FITM2: variants seen among roughly 807,000 people sequenced by gnomAD.
The protein encoded by FITM2 is fat storage inducing transmembrane protein 2.
A neutral mutation model predicts 23.3 loss-of-function variants in FITM2; 16 were observed. That is an observed-to-expected ratio of 0.69 (90% CI 0.47 to 1.05). The LOEUF is 1.05. FITM2 is among the 50% of genes least tolerant of loss of function. The pLI is 0.00. For missense variants in FITM2, 273 were observed against 327.5 expected (o/e 0.83, Z 1.29); for synonymous variants, 132 against 142.0 (o/e 0.93, Z 0.50).
intron 1 of FITM2, among the ~76,000 whole-genome samples, chr20:44,309,892 G>A (rs1305242779): frequency 1.3e-5 from 2 of 152,266 alleles, no homozygotes; most frequent in African/African-American, 4.8e-5. Context: ...AGAGACTTGG[G>A]GCCACTACCA....
Position 44,311,095 on chromosome 20 carries a change from C to T in FITM2, c.54G>A (p.Ala18=), listed in dbSNP as rs747058586. 2.5e-6 allele frequency: 4 copies of T among 1,612,774 alleles called. No homozygotes were observed. The highest frequency in any genetic ancestry group is 1.1e-5 in the South Asian group (1 of 90,954). Residue 18 remains alanine (A), a synonymous_variant, in exon 1 of 2, where the codon GCG becomes GCA. Transcript: ENST00000396825. ...CCCAGGGCAGGTAGCGCCGCACGGC[C>T]GCCCGCACCAGCGTCCCCCGCAACA... The part of the protein sequence containing the change: ...EWLLRGTLVR[A]AVRRYLPWAL...
At chr20:44,310,036 C>A (rs547235722) in intron 1 of FITM2, among the ~76,000 whole-genome samples, 8 of 152,306 alleles carry the variant, frequency 5.3e-5, no homozygotes, top group Non-Finnish European at 2.9e-5. Context: ...AAAATCTTCA[C>A]TGGGACTGAT....
rs2062685961 is a variant in FITM2, at chr20:44,305,084, G to A, written c.*1541C>T. ...GGTGGAATTTAAGACTGTAAGACCA[G>A]AGTTTGGTTCATAACAAGTACATTA... On this transcript the variant is annotated 3_prime_UTR_variant, in exon 2 of 2. Transcript: ENST00000396825. 6.6e-6 allele frequency: 1 copy of A among 152,130 alleles called. No individual in the cohort carries two copies. Among genetic ancestry groups the A allele is most frequent in the South Asian group, 2.1e-4 (1 of 4,830 alleles). The allele number at this position is 152,130 out of a possible 1,614,324, so 9.4% of individuals were successfully genotyped here.
rs1213931386 is a variant in FITM2 at position 44,305,044 on chromosome 20, A to G, written c.*1581T>C. 1 of 152,146 alleles carries G rather than the reference A, an allele frequency of 6.6e-6. No individual in the cohort carries two copies. Among genetic ancestry groups the G allele is most frequent in the Non-Finnish European group, 1.5e-5 (1 of 68,040 alleles). 9.4% of individuals were successfully genotyped at this position (152,146 alleles called of 1,614,324 possible). On this transcript the variant is annotated 3_prime_UTR_variant, in exon 2 of 2. Coordinates refer to ENST00000396825, the MANE Select transcript of FITM2 (RefSeq NM_001080472.4). ...GGCCCAGGTTTCATTGCTAACAGAG[A>G]AAACAGCCCCATGAGGTGGAATTTA...
chr20:44,307,816 G>A (rs1242752050), intron 1 of FITM2, among the ~76,000 whole-genome samples: 3 of 151,848 alleles, frequency 2.0e-5, no homozygotes, highest in East Asian at 3.9e-4. Context: ...GGCCGGGCGC[G>A]GTGGCTCACG....
rs1359933640 is a variant in FITM2 at position 44,305,052 on chromosome 20, C to G, written c.*1573G>C. On this transcript the variant is annotated 3_prime_UTR_variant, in exon 2 of 2. Transcript: ENST00000396825. ...TTTCATTGCTAACAGAGAAAACAGC[C>G]CCATGAGGTGGAATTTAAGACTGTA... 2 of 152,058 alleles carry G rather than the reference C, an allele frequency of 1.3e-5. No homozygotes were observed. The highest frequency in any genetic ancestry group is 4.8e-5 in the African/African-American group (2 of 41,390). The allele number at this position is 152,058 out of a possible 1,614,324, so 9.4% of individuals were successfully genotyped here.
chr20:44,305,353 A>T lies in FITM2; in HGVS notation c.*1272T>A, dbSNP rs189585979. ...ATAGTAATAGAAAACATGGACAGAA[A>T]ATGATCATAGTCCATTACGTATGAA... On this transcript the variant is annotated 3_prime_UTR_variant, in exon 2 of 2. Coordinates refer to ENST00000396825, the MANE Select transcript of FITM2 (RefSeq NM_001080472.4). The T allele has an allele frequency of 1.1e-3, 166 of 152,346 alleles. No homozygotes were observed. Among genetic ancestry groups the T allele is most frequent in the African/African-American group, 3.7e-3 (155 of 41,590 alleles). 9.4% of individuals were successfully genotyped at this position (152,346 alleles called of 1,614,324 possible).
chr20:44,306,480 C>G lies in FITM2; in HGVS notation c.*145G>C, dbSNP rs1461753619. The G allele has an allele frequency of 1.8e-6, 2 of 1,091,012 alleles. No individual in the cohort carries two copies. Among genetic ancestry groups the G allele is most frequent in the Non-Finnish European group, 1.3e-6 (1 of 778,548 alleles). 67.6% of individuals were successfully genotyped at this position (1,091,012 alleles called of 1,614,324 possible). On this transcript the variant is annotated 3_prime_UTR_variant, in exon 2 of 2. Coordinates refer to ENST00000396825, the MANE Select transcript of FITM2 (RefSeq NM_001080472.4). ...GAATAGTCTGAAGACTAAACTCACT[C>G]CCCAGACTTCAGCACCACCCACCAA...
chr20:44,308,073 C>T lies in FITM2; in HGVS notation c.174-833G>A, dbSNP rs978080047. ...CTGCACTCCAGCCTGGGCGATAGAGCGAGACTCCATCTCAAAAACAAAACA... is the reference window on the plus strand; with the variant it reads ...CTGCACTCCAGCCTGGGCGATAGAGTGAGACTCCATCTCAAAAACAAAACA... On this transcript the variant is annotated intron_variant, in intron 1 of 1. Transcript: ENST00000396825. Among the ~76,000 whole-genome samples the T allele has an allele frequency of 3.3e-5, 5 of 151,856 alleles. 1 individual carries two copies. In the South Asian group the frequency reaches 1.0e-3, roughly 32 times the overall value.
intron 1 of FITM2, among the ~76,000 whole-genome samples, chr20:44,309,167 GTATTTT>G: frequency 6.6e-6 from 1 of 151,742 alleles, no homozygotes; most frequent in Non-Finnish European, 1.5e-5. Context: ...GCTAATTTTT[GTATTTT>G]TATTTTTATT....
At chr20:44,308,036 G>A (rs1405153480) in intron 1 of FITM2, among the ~76,000 whole-genome samples, 3 of 151,544 alleles carry the variant, frequency 2.0e-5, no homozygotes, top group African/African-American at 7.3e-5. Flanking sequence ...GCAGTGAGCC[G>A]AGATTGTGCC....
In FITM2 at chr20:44,303,152, A is replaced by G. The variant is rs1452630635; in HGVS notation, c.*3473T>C. The G allele has an allele frequency of 6.6e-6, 1 of 152,188 alleles. No individual in the cohort carries two copies. The highest frequency in any genetic ancestry group is 1.9e-4 in the East Asian group (1 of 5,198). The allele number at this position is 152,188 out of a possible 1,614,324, so 9.4% of individuals were successfully genotyped here. ...ATATATTCGTTTCTCTGCCTTCTCTAGAGGAGTCAGAAAGTTCTAAAGGCT... is the reference window on the plus strand; with the variant it reads ...ATATATTCGTTTCTCTGCCTTCTCTGGAGGAGTCAGAAAGTTCTAAAGGCT... On this transcript the variant is annotated 3_prime_UTR_variant, in exon 2 of 2. Coordinates refer to ENST00000396825, the MANE Select transcript of FITM2 (RefSeq NM_001080472.4).
Position 44,307,118 on chromosome 20 carries a change from A to T in FITM2, c.296T>A (p.Val99Glu). 1.9e-6 allele frequency: 3 copies of T among 1,614,204 alleles called. No homozygotes were observed. Among genetic ancestry groups the T allele is most frequent in the Non-Finnish European group, 2.5e-6 (3 of 1,180,030 alleles). Residue 99 changes from valine (V) to glutamate (E), a missense_variant, in exon 2 of 2, where the codon GTG becomes GAG. By Grantham distance (121) the Val-to-Glu change is moderately radical. Transcript: ENST00000396825. Reference protein sequence around the residue: ...LVLRRLSTLLVGTAIWYICTS... With the variant: ...LVLRRLSTLLEGTAIWYICTS... ...GCAGATGTACCAGATGGCCGTGCCC[A>T]CAAGCAGGGTGCTCAGCCGCCGCAG...
intron 1 of FITM2, among the ~76,000 whole-genome samples, chr20:44,310,366 C>T (rs1343486582): frequency 2.0e-5 from 3 of 152,206 alleles, no homozygotes; most frequent in Non-Finnish European, 4.4e-5. Context: ...TTTTCTGGGC[C>T]ACTGCCATGC....
rs908742629 is a variant in FITM2, at chr20:44,304,420, C to A, written c.*2205G>T. The A allele has an allele frequency of 3.3e-5, 5 of 152,160 alleles. No homozygotes were observed. The highest frequency in any genetic ancestry group is 3.3e-4 in the Admixed American group (5 of 15,266). 9.4% of individuals were successfully genotyped at this position (152,160 alleles called of 1,614,324 possible). On this transcript the variant is annotated 3_prime_UTR_variant, in exon 2 of 2. Transcript: ENST00000396825. ...TTTGTGGATGGAGGTGACAGGATTTCTAACCCTTCCCAGCATTGTCACAGC... is the reference window on the plus strand; with the variant it reads ...TTTGTGGATGGAGGTGACAGGATTTATAACCCTTCCCAGCATTGTCACAGC...
rs2062682153 is a variant in FITM2, at chr20:44,303,486, C to A, written c.*3139G>T. The A allele has an allele frequency of 6.6e-6, 1 of 152,220 alleles. No individual in the cohort carries two copies. The allele number at this position is 152,220 out of a possible 1,614,324, so 9.4% of individuals were successfully genotyped here. A position where few individuals can be genotyped will look rare whatever the true frequency, so the allele number is the denominator to read the frequency against. Reference sequence around the variant, plus strand: ...GATACAGAAGGCTCTGCAATTGACACTTTCCACATACAGTTAATTTAGTGC... The same window carrying A: ...GATACAGAAGGCTCTGCAATTGACAATTTCCACATACAGTTAATTTAGTGC... On this transcript the variant is annotated 3_prime_UTR_variant, in exon 2 of 2. Coordinates refer to ENST00000396825, the MANE Select transcript of FITM2 (RefSeq NM_001080472.4).
chr20:44,310,483 G>T (rs573727833), intron 1 of FITM2, among the ~76,000 whole-genome samples: 2 of 152,284 alleles, frequency 1.3e-5, no homozygotes, highest in East Asian at 1.9e-4. Flanking sequence ...GCCTGTCACA[G>T]GCTGGGGCGA....
At position 44,303,097 on chromosome 20, in the gene FITM2, A is replaced by C. The variant is rs1229817767; in HGVS notation, c.*3528T>G. 3 of 152,190 alleles carry C rather than the reference A, an allele frequency of 2.0e-5. No homozygotes were observed. The highest frequency in any genetic ancestry group is 4.4e-5 in the Non-Finnish European group (3 of 68,030). 9.4% of individuals were successfully genotyped at this position (152,190 alleles called of 1,614,324 possible). Reference sequence around the variant, plus strand: ...CAACATAATACAGGACAATTTTAACAAAAGACCCAGACTCCAAATGGCACC... The same window carrying C: ...CAACATAATACAGGACAATTTTAACCAAAGACCCAGACTCCAAATGGCACC... On this transcript the variant is annotated 3_prime_UTR_variant, in exon 2 of 2. Transcript: ENST00000396825.
Position 44,306,640 on chromosome 20 carries a change from A to G in FITM2, c.774T>C (p.Asp258=), listed in dbSNP as rs753857916. 6 of 1,613,622 alleles carry G rather than the reference A, an allele frequency of 3.7e-6. No individual in the cohort carries two copies. Among genetic ancestry groups the G allele is most frequent in the South Asian group, 1.1e-5 (1 of 91,004 alleles). The change falls in exon 2 of 2, where the codon GAT becomes GAC. Residue 258 remains aspartate (D), a synonymous_variant. Coordinates refer to ENST00000396825, the MANE Select transcript of FITM2 (RefSeq NM_001080472.4). ...TGTTACTCTTTTATTTCTTGTAACT[A>G]TCTTGCTTCAAATTCAAACTACAGC... The part of the protein sequence containing the change: ...PQSCSLNLKQ[D]SYKK
Sources: gnomAD v4.1 joint callset for allele counts (sites outside exome capture counted in the v4.1 genomes callset) on GRCh38, gnomAD v4.1.1 for gene constraint, MANE v1.5 for transcripts, NCBI Gene and HGNC (gene_info 2026-07-23, HGNC 2026-07-21) for gene names.